GRM1: variants seen among roughly 807,000 people sequenced by gnomAD.
GRM1 encodes the protein metabotropic glutamate receptor 1.
A neutral mutation model predicts 90.9 loss-of-function variants in GRM1; 33 were observed. The ratio of observed to expected loss-of-function variants is 0.36; its 90% confidence interval spans 0.28 to 0.49. The LOEUF (loss-of-function observed/expected upper bound fraction) is 0.49. Among genes scored for constraint, GRM1 ranks in the 20% least tolerant of loss-of-function variants. The probability of loss-of-function intolerance (pLI) is 0.99; values close to 1 mark genes in which losing one functional copy is unlikely to be tolerated. For missense variants in GRM1, 1,190 were observed against 1,534.3 expected (o/e 0.78, Z 3.75); for synonymous variants, 700 against 613.2 (o/e 1.14, Z -2.09).
At chr6:146,413,573 T>G (rs1001048705) in intron 7 of GRM1, among the ~76,000 whole-genome samples, 2 of 152,158 alleles carry the variant, frequency 1.3e-5, no homozygotes, top group Non-Finnish European at 2.9e-5. Context: ...GTACATGCTA[T>G]TGAAGTATAA....
intron 3 of GRM1, among the ~76,000 whole-genome samples, chr6:146,308,341 C>T (rs1783652305): frequency 6.6e-6 from 1 of 152,126 alleles, no homozygotes; most frequent in Admixed American, 6.5e-5. Context: ...TGAAATAACA[C>T]AAATGAACTA....
chr6:146,331,469 T>C (rs1385636596), intron 3 of GRM1, among the ~76,000 whole-genome samples: 1 of 152,088 alleles, frequency 6.6e-6, no homozygotes, highest in Non-Finnish European at 1.5e-5. Context: ...ACCATTTCAC[T>C]ATATATATAT....
In GRM1 at chr6:146,137,014, G is replaced by A. The variant is rs959178556; in HGVS notation, c.701-22334G>A. Among the ~76,000 whole-genome samples the A allele has an allele frequency of 8.6e-5, 13 of 151,710 alleles. 1 individual carries two copies. The highest frequency in any genetic ancestry group is 2.0e-4 in the Admixed American group (3 of 15,190). On this transcript the variant is annotated intron_variant, in intron 1 of 7. Transcript: ENST00000282753. ...ATTACAGGCATGCACCACCACACCC[G>A]GCTAATTTTTGTATTTTTAGTAGAG...
intron 1 of GRM1, among the ~76,000 whole-genome samples, chr6:146,078,409 G>C (rs1473734228): frequency 1.3e-5 from 2 of 152,050 alleles, no homozygotes; most frequent in African/African-American, 4.8e-5. Context: ...GAAAGAAAGA[G>C]AAAAAGAAAA....
intron 1 of GRM1, among the ~76,000 whole-genome samples, chr6:146,046,326 G>T (rs1228734794): frequency 2.0e-5 from 3 of 152,062 alleles, no homozygotes; most frequent in African/African-American, 7.2e-5. Flanking sequence ...TATTTAAAAT[G>T]ATAGATTATA....
chr6:146,360,463 G>C (rs1489208060), intron 5 of GRM1, among the ~76,000 whole-genome samples: 1 of 152,106 alleles, frequency 6.6e-6, no homozygotes, highest in Non-Finnish European at 1.5e-5. Flanking sequence ...CATGTCAGAT[G>C]GTTTACTAGG....
chr6:146,155,473 C>T (rs560789591), intron 1 of GRM1, among the ~76,000 whole-genome samples: 1 of 152,232 alleles, frequency 6.6e-6, no homozygotes, highest in African/African-American at 2.4e-5. Context: ...GACAAAATCG[C>T]CTAACAACAC....
chr6:146,152,665 A>T (rs540915443), intron 1 of GRM1, among the ~76,000 whole-genome samples: 1 of 152,254 alleles, frequency 6.6e-6, no homozygotes, highest in Admixed American at 6.5e-5. Flanking sequence ...TGAAATGCTT[A>T]GGTGTTTATC....
intron 6 of GRM1, among the ~76,000 whole-genome samples, chr6:146,394,449 T>A (rs1186615238): frequency 6.6e-6 from 1 of 152,122 alleles, no homozygotes; most frequent in Non-Finnish European, 1.5e-5. Flanking sequence ...ATAATGGTGA[T>A]CTTGCACAGA....
At chr6:146,282,796 A>G (rs1004970965) in intron 2 of GRM1, among the ~76,000 whole-genome samples, 5 of 152,188 alleles carry the variant, frequency 3.3e-5, no homozygotes, top group Admixed American at 6.5e-5. Context: ...AATCATTTCA[A>G]ACTTAAGTAT....
intron 1 of GRM1, among the ~76,000 whole-genome samples, chr6:146,100,471 A>G (rs186060673): frequency 5.3e-5 from 8 of 152,302 alleles, no homozygotes; most frequent in Admixed American, 5.2e-4. Context: ...TTATATATGG[A>G]TACCCATTAT....
intron 6 of GRM1, among the ~76,000 whole-genome samples, chr6:146,389,128 C>T (rs750192883): frequency 7.9e-5 from 12 of 151,930 alleles, no homozygotes; most frequent in Non-Finnish European, 1.5e-4. Flanking sequence ...TAAGTAGGTC[C>T]GCTTAGATGG....
At chr6:146,423,302 A>C (rs1298260721) in intron 7 of GRM1, among the ~76,000 whole-genome samples, 1 of 152,184 alleles carries the variant, frequency 6.6e-6, no homozygotes, top group African/African-American at 2.4e-5. Context: ...GCAGTTGATA[A>C]AATGGCCACT....
chr6:146,139,895 C>T (rs13210907), intron 1 of GRM1, among the ~76,000 whole-genome samples: 2 of 112,662 alleles, frequency 1.8e-5, no homozygotes, highest in African/African-American at 7.6e-5. Flanking sequence ...CCCTTCCCTT[C>T]CCTTCCCTTC....
intron 2 of GRM1, among the ~76,000 whole-genome samples, chr6:146,275,177 G>A (rs1192677557): frequency 6.7e-5 from 10 of 149,804 alleles, no homozygotes; most frequent in African/African-American, 2.5e-4. Context: ...GACAGAGAGA[G>A]AAAAACAAAA....
chr6:146,386,768 T>G lies in GRM1; in HGVS notation c.1603-122T>G. On this transcript the variant is annotated intron_variant, in intron 5 of 7. Transcript: ENST00000282753. ...CACATTCTTAAGATTCCTCAGCATA[T>G]AAGATTATTTTCATAGTTAGTCTTT... 3 of 731,952 alleles carry G rather than the reference T, an allele frequency of 4.1e-6. No individual in the cohort carries two copies. The South Asian group carries it at 4.7e-5, about 11-fold the overall frequency. 45.3% of individuals were successfully genotyped at this position (731,952 alleles called of 1,614,324 possible).
chr6:146,035,346 G>A (rs1790851328), intron 1 of GRM1, among the ~76,000 whole-genome samples: 1 of 151,846 alleles, frequency 6.6e-6, no homozygotes, highest in South Asian at 2.1e-4. Context: ...TGTGAACTTT[G>A]GCCAAGAGAA....
At chr6:146,059,570 C>T (rs1775593492) in intron 1 of GRM1, among the ~76,000 whole-genome samples, 1 of 152,118 alleles carries the variant, frequency 6.6e-6, no homozygotes, top group South Asian at 2.1e-4. Context: ...GCATTAGCCC[C>T]TAACAAAGAA....
At chr6:146,229,511 C>T (rs920904959) in intron 2 of GRM1, among the ~76,000 whole-genome samples, 1 of 151,738 alleles carries the variant, frequency 6.6e-6, no homozygotes, top group Admixed American at 6.6e-5. Context: ...TTCCTCACCA[C>T]CCTTTCACAA....
Sources: allele counts gnomAD v4.1 joint callset (sites outside exome capture counted in the v4.1 genomes callset), GRCh38; gene constraint gnomAD v4.1.1; transcripts MANE v1.5; gene names NCBI Gene and HGNC (gene_info 2026-07-23, HGNC 2026-07-21).